SGIP1: variants seen among roughly 807,000 people sequenced by gnomAD.
SGIP1 encodes the protein SH3-containing GRB2-like protein 3-interacting protein 1.
In SGIP1, 38 loss-of-function variants were observed where a neutral mutation model predicts 107.5. That is an observed-to-expected ratio of 0.35 (90% confidence interval 0.27 to 0.46). The LOEUF (loss-of-function observed/expected upper bound fraction) is 0.46. Ranked by LOEUF, SGIP1 falls within the 20% of genes least tolerant of loss-of-function variation. The pLI, the probability that SGIP1 is intolerant of heterozygous loss-of-function variation, is 1.00. For synonymous variants in SGIP1, 365 were observed against 366.1 expected, an observed-to-expected ratio of 1.00 and a Z score of 0.03; for missense variants, 929 against 1,019.5, an observed-to-expected ratio of 0.91 and a Z score of 1.21.
chr1:66,645,798 G>A (rs771079460), intron 7 of SGIP1, among the ~76,000 whole-genome samples: 3 of 152,100 alleles, frequency 2.0e-5, no homozygotes, highest in Non-Finnish European at 4.4e-5. Context: ...CCCTCTCCTT[G>A]ATAACCCGTG....
In SGIP1 at chr1:66,744,630, G is replaced by T. The variant is rs1219463278; in HGVS notation, c.*1535G>T. ...GAATCTTTAGCCCCTTTAAATTTTAGAATTAAATTAAATTTTTAAAGTTTT... is the reference window on the plus strand; with the variant it reads ...GAATCTTTAGCCCCTTTAAATTTTATAATTAAATTAAATTTTTAAAGTTTT... On this transcript the variant is annotated 3_prime_UTR_variant, in exon 25 of 25. Transcript: ENST00000371037. 1 of 151,914 alleles carries T rather than the reference G, an allele frequency of 6.6e-6. No individual in the cohort carries two copies. Among genetic ancestry groups the T allele is most frequent in the African/African-American group, 2.4e-5 (1 of 41,386 alleles). 9.4% of individuals were successfully genotyped at this position (151,914 alleles called of 1,614,324 possible).
intron 13 of SGIP1, among the ~76,000 whole-genome samples, chr1:66,679,092 T>G (rs1330550292): frequency 1.3e-5 from 2 of 152,208 alleles, no homozygotes; most frequent in African/African-American, 4.8e-5. Flanking sequence ...AAGGAATCTG[T>G]TCATTCCTCC....
intron 19 of SGIP1, among the ~76,000 whole-genome samples, chr1:66,726,740 A>AAATT (rs2093775846): frequency 6.6e-6 from 1 of 152,262 alleles, no homozygotes; most frequent in Non-Finnish European, 1.5e-5. Context: ...ATACATTGTA[A>AAATT]GACTAAAATA....
chr1:66,693,264 A>AAATAAATG lies in SGIP1; in HGVS notation c.1571-2163_1571-2162insGAATAAAT, dbSNP rs1157082949. 1.3e-4 allele frequency among the ~76,000 whole-genome samples: 20 copies of AAATAAATG among 150,338 alleles called. 1 individual carries two copies. The South Asian group carries it at 4.2e-3, about 31-fold the overall frequency. ...ATCTCAGTTTTTAAAAATAATAAAT[A>AAATAAATG]AATAAATAAATAAATAAATAAAAAA... is the stretch of plus-strand genomic sequence containing the variant. On this transcript the variant is annotated intron_variant, in intron 17 of 24. Transcript: ENST00000371037.
intron 19 of SGIP1, among the ~76,000 whole-genome samples, chr1:66,720,542 C>T (rs2093478696): frequency 6.6e-6 from 1 of 152,092 alleles, no homozygotes; most frequent in Non-Finnish European, 1.5e-5. Flanking sequence ...CCCCTGGCAA[C>T]ATAGGGAGAG....
intron 17 of SGIP1, chr1:66,695,034 T>C (rs2090596954): frequency 3.0e-6 from 1 of 329,924 alleles, no homozygotes; most frequent in Non-Finnish European, 5.4e-6. Flanking sequence ...GAGTTTATCT[T>C]TTTGGAAACA....
chr1:66,620,923 C>T (rs2070893724), intron 1 of SGIP1, among the ~76,000 whole-genome samples: 1 of 152,218 alleles, frequency 6.6e-6, no homozygotes, highest in Admixed American at 6.5e-5. Flanking sequence ...TTGAGAAATA[C>T]TGCCTCTCTT....
chr1:66,649,780 C>A (rs1340885624), intron 7 of SGIP1, among the ~76,000 whole-genome samples: 1 of 152,026 alleles, frequency 6.6e-6, no homozygotes, highest in East Asian at 1.9e-4. Context: ...ATTCAACATA[C>A]AATTGAATTG....
intron 1 of SGIP1, among the ~76,000 whole-genome samples, chr1:66,613,374 C>T (rs1289377311): frequency 1.3e-5 from 2 of 152,158 alleles, no homozygotes; most frequent in Non-Finnish European, 2.9e-5. Flanking sequence ...CTGTCGTCCA[C>T]GAGGGAGTGC....
At chr1:66,627,258 G>T (rs548806588) in intron 2 of SGIP1, among the ~76,000 whole-genome samples, 1 of 152,088 alleles carries the variant, frequency 6.6e-6, no homozygotes. Flanking sequence ...GCTTCGGGGT[G>T]GGGGAGGAGA....
At chr1:66,724,209 G>A (rs953547854) in intron 19 of SGIP1, among the ~76,000 whole-genome samples, 29 of 152,180 alleles carry the variant, frequency 1.9e-4, no homozygotes, top group Non-Finnish European at 3.8e-4. Flanking sequence ...AAAATCCAGT[G>A]TATAAGTCAC....
intron 1 of SGIP1, among the ~76,000 whole-genome samples, chr1:66,549,186 CCTTCCTT>C (rs1281483346): frequency 2.0e-5 from 3 of 147,582 alleles, no homozygotes; most frequent in South Asian, 2.1e-4. Context: ...TTCCTTCCTT[CCTTCCTT>C]CCTTCCCTTC....
chr1:66,719,472 T>C (rs982080735), intron 19 of SGIP1, 67 bp downstream of exon 19: 11 of 1,223,788 alleles, frequency 9.0e-6, no homozygotes, highest in East Asian at 2.4e-5. Flanking sequence ...ACAGCCTAAA[T>C]ACAACCTTTT....
intron 21 of SGIP1, among the ~76,000 whole-genome samples, chr1:66,738,185 A>C (rs2094332629): frequency 6.6e-6 from 1 of 152,248 alleles, no homozygotes; most frequent in African/African-American, 2.4e-5. Flanking sequence ...AATTGTCATC[A>C]AAAGCCATAT....
At chr1:66,610,733 C>G (rs574386429) in intron 1 of SGIP1, among the ~76,000 whole-genome samples, 1 of 141,738 alleles carries the variant, frequency 7.1e-6, no homozygotes, top group East Asian at 2.1e-4. Flanking sequence ...TTTTTAATTC[C>G]ATCGATTTTA....
chr1:66,728,249 T>C (rs903153191), intron 19 of SGIP1, among the ~76,000 whole-genome samples: 8 of 152,100 alleles, frequency 5.3e-5, no homozygotes, highest in African/African-American at 1.2e-4. Flanking sequence ...GTAAGACAAG[T>C]CCAGGAAATA....
intron 21 of SGIP1, among the ~76,000 whole-genome samples, chr1:66,735,353 T>A (rs2094187320): frequency 6.6e-6 from 1 of 152,020 alleles, no homozygotes; most frequent in African/African-American, 2.4e-5. Context: ...GTAGCTGGGA[T>A]TACAGGCATG....
chr1:66,622,436 G>A (rs1239407439), intron 1 of SGIP1, among the ~76,000 whole-genome samples: 3 of 152,104 alleles, frequency 2.0e-5, no homozygotes, highest in Admixed American at 6.6e-5. Context: ...CACTATCATC[G>A]ATTTCCACAT....
At position 66,604,772 on chromosome 1, in the gene SGIP1, C is replaced by T. The variant is rs75819607; in HGVS notation, c.11-21075C>T. 7.1e-3 allele frequency among the ~76,000 whole-genome samples: 1,076 copies of T among 152,320 alleles called. 19 individuals carry two copies. Among genetic ancestry groups the T allele is most frequent in the African/African-American group, 0.024 (1,006 of 41,574 alleles). The stretch of plus-strand genomic sequence containing the variant: ...TTTGTACAGTCTGAGACATCTCAGT[C>T]TTCTCTGGTCAACCTGTAGCCCCTT... On this transcript the variant is annotated intron_variant, in intron 1 of 24. Transcript: ENST00000371037.
Sources: allele counts gnomAD v4.1 joint callset (sites outside exome capture counted in the v4.1 genomes callset), GRCh38; gene constraint gnomAD v4.1.1; transcripts MANE v1.5; gene names NCBI Gene and HGNC (gene_info 2026-07-23, HGNC 2026-07-21).